CLRN1: variants seen among roughly 807,000 people sequenced by gnomAD.
CLRN1 encodes the protein clarin-1.
Under a neutral mutation model 18.7 loss-of-function variants are expected in CLRN1, and 15 were observed. The observed-to-expected ratio is 0.80, with a 90% confidence interval of 0.54 to 1.23. The LOEUF (loss-of-function observed/expected upper bound fraction) is 1.23, where lower values mean the gene tolerates loss of function less well. CLRN1 is among the 50% of genes most tolerant of loss of function. CLRN1 has a pLI of 0.00. For synonymous variants in CLRN1, 104 were observed against 102.9 expected (o/e 1.01, Z -0.07); for missense variants, 311 against 277.5 (o/e 1.12, Z -0.86).
chr3:150,940,346 T>A (rs1225087682), intron 2 of CLRN1: 1 of 682,794 alleles, frequency 1.5e-6, no homozygotes, highest in Non-Finnish European at 2.3e-6. Context: ...CAAGTAACAA[T>A]GAACAGAGGC....
At chr3:150,943,303 A>C (rs1713965396) in intron 1 of CLRN1, among the ~76,000 whole-genome samples, 1 of 152,166 alleles carries the variant, frequency 6.6e-6, no homozygotes, top group African/African-American at 2.4e-5. Flanking sequence ...CTTTATGAAT[A>C]ATGTCTTTTT....
chr3:150,938,467 T>G (rs1227443655), intron 2 of CLRN1, among the ~76,000 whole-genome samples: 1 of 152,192 alleles, frequency 6.6e-6, no homozygotes, highest in Non-Finnish European at 1.5e-5. Flanking sequence ...CAAGGGCTTC[T>G]GGGTACCATA....
chr3:150,944,055 T>G lies in CLRN1; in HGVS notation c.254-2294A>C, dbSNP rs11914988. 0.25 allele frequency: 201,384 copies of G among 805,878 alleles called. 27,676 individuals carry two copies. Among genetic ancestry groups the G allele is most frequent in the East Asian group, 0.4 (14,234 of 35,594 alleles). 49.9% of individuals were successfully genotyped at this position (805,878 alleles called of 1,614,324 possible). On this transcript the variant is annotated intron_variant, in intron 1 of 2. Transcript: ENST00000327047. ...ATGATGGAGAAATAAAATAGGGTAA[T>G]GGGATTTTGAGTGATCTCTGAGTGG... is the stretch of plus-strand genomic sequence containing the variant.
At chr3:150,955,723 T>C (rs1714705398) in intron 1 of CLRN1, among the ~76,000 whole-genome samples, 1 of 152,136 alleles carries the variant, frequency 6.6e-6, no homozygotes, top group Non-Finnish European at 1.5e-5. Flanking sequence ...ATGACAAAGC[T>C]CTTTTTTGTT....
In CLRN1 at chr3:150,929,972, G is replaced by A. The variant is rs1358935574; in HGVS notation, c.434-1771C>T. Reference sequence around the variant, plus strand: ...CCTAGGAGTGGCAACATAATGGCTTGAGTTTCTATTCATTAATTCACTCAT... The same window carrying A: ...CCTAGGAGTGGCAACATAATGGCTTAAGTTTCTATTCATTAATTCACTCAT... On this transcript the variant is annotated intron_variant, in intron 2 of 2. Transcript: ENST00000327047. 5.3e-5 allele frequency among the ~76,000 whole-genome samples: 8 copies of A among 152,238 alleles called. No individual in the cohort carries two copies. In the East Asian group the frequency reaches 1.4e-3, roughly 26 times the overall value.
chr3:150,932,967 A>G (rs974671708), intron 2 of CLRN1, among the ~76,000 whole-genome samples: 1 of 152,254 alleles, frequency 6.6e-6, no homozygotes, highest in African/African-American at 2.4e-5. Context: ...AAAGTTGAAG[A>G]GCCCATATCT....
At chr3:150,961,515 A>G (rs1430597832) in intron 1 of CLRN1, among the ~76,000 whole-genome samples, 1 of 152,204 alleles carries the variant, frequency 6.6e-6, no homozygotes, top group Non-Finnish European at 1.5e-5. Flanking sequence ...CCATCTGTGA[A>G]GCTCTCAGAA....
At chr3:150,926,266 A>G (rs921913439), downstream of CLRN1, 7 of 159,222 alleles carry the variant, frequency 4.4e-5, no homozygotes, top group Non-Finnish European at 9.7e-5. Context: ...TGTTTTCTAA[A>G]GAAAAAAGCC....
chr3:150,928,352 C>A, intron 2 of CLRN1, 151 bp from the exon 3 acceptor site: 2 of 1,010,934 alleles, frequency 2.0e-6, no homozygotes, highest in Non-Finnish European at 2.9e-6. Flanking sequence ...TAATCATGAG[C>A]CTGATTCTTC....
chr3:150,972,600 T>G lies in CLRN1; in HGVS notation c.109A>C (p.Thr37Pro). Residue 37 changes from threonine to proline, a missense_variant, in exon 1 of 3, where the codon ACT becomes CCT. Transcript: ENST00000327047. ...AGAGCTCCCGTTTTGCAGAGGACAGTGGCTTTGATCCACAACGGTGTCCCC... is the reference window on the plus strand; with the variant it reads ...AGAGCTCCCGTTTTGCAGAGGACAGGGGCTTTGATCCACAACGGTGTCCCC... ...ALGTPLWIKATVLCKTGALLV... is the reference protein window; with the variant it reads ...ALGTPLWIKAPVLCKTGALLV... The G allele has an allele frequency of 6.2e-7, 1 of 1,614,234 alleles. No individual in the cohort carries two copies. Among genetic ancestry groups the G allele is most frequent in the Non-Finnish European group, 8.5e-7 (1 of 1,180,042 alleles).
chr3:150,943,756 A>G (rs1013990052), intron 1 of CLRN1: 16 of 1,612,170 alleles, frequency 9.9e-6, no homozygotes, highest in Non-Finnish European at 1.3e-5. Context: ...CTGTCCACAG[A>G]TGGCAGAGCT....
In CLRN1 at chr3:150,926,944, A is replaced by G. The variant is rs549716512; in HGVS notation, c.*992T>C. The G allele has an allele frequency of 5.1e-5, 82 of 1,612,430 alleles. 2 individuals carry two copies. In the South Asian group the frequency reaches 8.7e-4, roughly 17 times the overall value. ...CTGGGTCATGCTTGGTGACAGCCAGAACAAGACCAAGATGATACAGTGATA... is the reference window on the plus strand; with the variant it reads ...CTGGGTCATGCTTGGTGACAGCCAGGACAAGACCAAGATGATACAGTGATA... On this transcript the variant is annotated 3_prime_UTR_variant, in exon 3 of 3. Transcript: ENST00000327047.
intron 1 of CLRN1, among the ~76,000 whole-genome samples, chr3:150,971,735 T>G (rs1352892181): frequency 6.6e-6 from 1 of 152,246 alleles, no homozygotes; most frequent in African/African-American, 2.4e-5. Context: ...CCTATTCACA[T>G]GGTAATTTTT....
chr3:150,946,704 C>CTTTTTTT (rs34471891), intron 1 of CLRN1, among the ~76,000 whole-genome samples: 49 of 110,586 alleles, frequency 4.4e-4, no homozygotes, highest in Middle Eastern at 5.1e-3. Flanking sequence ...CAGACCATTT[C>CTTTTTTT]TTTTTTTTTT....
chr3:150,966,114 G>A (rs891900902), intron 1 of CLRN1, among the ~76,000 whole-genome samples: 2 of 152,208 alleles, frequency 1.3e-5, no homozygotes, highest in African/African-American at 2.4e-5. Flanking sequence ...GAGCCCAGCA[G>A]TTTGAGACCT....
intron 1 of CLRN1, among the ~76,000 whole-genome samples, chr3:150,971,700 C>A (rs1715546758): frequency 1.3e-5 from 2 of 152,094 alleles, no homozygotes; most frequent in African/African-American, 4.8e-5. Flanking sequence ...AAATGACTTC[C>A]TATTAATTTT....
At chr3:150,964,764 G>A (rs972138092) in intron 1 of CLRN1, among the ~76,000 whole-genome samples, 8 of 152,178 alleles carry the variant, frequency 5.3e-5, no homozygotes, top group African/African-American at 1.9e-4. Flanking sequence ...CATGAATGAA[G>A]CTGGAAACCA....
At chr3:150,942,368 C>T (rs911499895) in intron 1 of CLRN1, among the ~76,000 whole-genome samples, 1 of 152,138 alleles carries the variant, frequency 6.6e-6, no homozygotes, top group Admixed American at 6.5e-5. Context: ...ATTTTGTGTT[C>T]AGGGCAAGTT....
rs762671302 is a variant in CLRN1 at position 150,972,463 on chromosome 3, C to T, written c.246G>A (p.Arg82=). ...RQCGLGARPF[R]FSFFPDLLKA... ...AATGCAATTGCTACTTACATGAGAA[C>T]CGAAAGGGCCTTGCTCCCAACCCAC... The change falls in exon 1 of 3, where the codon CGG becomes CGA. Residue 82 remains arginine, a synonymous_variant. Coordinates refer to ENST00000327047, the MANE Select transcript of CLRN1 (RefSeq NM_174878.3). 1 of 1,614,012 alleles carries T rather than the reference C, an allele frequency of 6.2e-7. No homozygotes were observed. Among genetic ancestry groups the T allele is most frequent in the African/African-American group, 1.3e-5 (1 of 74,884 alleles).
Sources: gnomAD v4.1 joint callset for allele counts (sites outside exome capture counted in the v4.1 genomes callset) on GRCh38, gnomAD v4.1.1 for gene constraint, MANE v1.5 for transcripts, NCBI Gene and HGNC (gene_info 2026-07-23, HGNC 2026-07-21) for gene names.